TRPV3: variants seen among roughly 807,000 people sequenced by gnomAD.
The protein encoded by TRPV3 is VRL-3.
In TRPV3, 88 loss-of-function variants were observed where a neutral mutation model predicts 87.1. The ratio of observed to expected loss-of-function variants is 1.01; its 90% CI spans 0.85 to 1.21. The LOEUF is 1.21. Ranked by LOEUF, TRPV3 falls within the 50% of genes most tolerant of loss-of-function variation. The pLI is 0.00. For synonymous variants in TRPV3, 438 were observed against 423.3 expected (o/e 1.03, Z -0.43); for missense variants, 1,054 against 1,030.1 (o/e 1.02, Z -0.32).
At position 3,534,152 on chromosome 17, in the gene TRPV3, A is replaced by G. The variant is rs796598327; in HGVS notation, c.785-1215T>C. 5.9e-5 allele frequency among the ~76,000 whole-genome samples: 9 copies of G among 152,158 alleles called. No individual in the cohort carries two copies. The South Asian group carries it at 1.9e-3, about 32-fold the overall frequency. ...GTCCAACCAGCTCCTATGCAGGGCA[A>G]TGGGGACACACGATGAACTGGACAA... On this transcript the variant is annotated intron_variant, in intron 7 of 17. Transcript: ENST00000576742.
At chr17:3,517,214 G>C (rs1050955730) in intron 15 of TRPV3, among the ~76,000 whole-genome samples, 5 of 152,102 alleles carry the variant, frequency 3.3e-5, no homozygotes, top group Admixed American at 3.3e-4. Flanking sequence ...TCCCATAGCA[G>C]AGGACCGTTC....
intron 8 of TRPV3, among the ~76,000 whole-genome samples, chr17:3,531,886 GACC>G (rs1435825719): frequency 6.6e-6 from 1 of 152,192 alleles, no homozygotes; most frequent in East Asian, 1.9e-4. Flanking sequence ...CGGGGCAGCT[GACC>G]AGGGAGGCGG....
intron 6 of TRPV3, among the ~76,000 whole-genome samples, chr17:3,536,272 T>G (rs1298331879): frequency 6.6e-6 from 1 of 152,146 alleles, no homozygotes; most frequent in Non-Finnish European, 1.5e-5. Context: ...CCTCTCTGGC[T>G]GCAAAAGTGG....
In TRPV3 at chr17:3,532,706, T is replaced by A; in HGVS notation, c.1016A>T (p.Asn339Ile). Residue 339 changes from asparagine (N) to isoleucine (I), a missense_variant, in exon 8 of 18, where the codon AAC (asparagine) becomes ATC (isoleucine). Physicochemically the swap from Asn to Ile is moderately radical, Grantham distance 149. Coordinates refer to ENST00000576742, the MANE Select transcript of TRPV3 (RefSeq NM_145068.4). ...CAGCTGCAGCGGCGTGAGGCCATCG[T>A]TGTTGCGAGTGGTCTCCAGCTCCCA... ...GNWELETTRN[N>I]DGLTPLQLAA... 1.2e-6 allele frequency: 2 copies of A among 1,614,204 alleles called. No homozygotes were observed. The highest frequency in any genetic ancestry group is 1.7e-6 in the Non-Finnish European group (2 of 1,180,026).
chr17:3,514,302 C>G (rs1426049562), intron 17 of TRPV3: 3 of 498,856 alleles, frequency 6.0e-6, no homozygotes, highest in Non-Finnish European at 1.1e-5. Context: ...TGGTCTCAAA[C>G]TCCTGACCTC....
chr17:3,529,184 G>A (rs934782879), intron 9 of TRPV3, among the ~76,000 whole-genome samples, 189 bp from the exon 10 acceptor site: 2 of 152,136 alleles, frequency 1.3e-5, no homozygotes, highest in Non-Finnish European at 2.9e-5. Context: ...GGGTACTAGG[G>A]CAGCAGTCAG....
At chr17:3,514,426 T>A in intron 17 of TRPV3, 167 bp downstream of exon 17, 1 of 612,378 alleles carries the variant, frequency 1.6e-6, no homozygotes, top group South Asian at 2.0e-5. Context: ...TTAAAAGTTG[T>A]GCCAACTAGG....
rs2074503622 is a variant in TRPV3, at chr17:3,544,524, C to G, written c.311+55G>C. On this transcript the variant is annotated intron_variant, in intron 4 of 17. Transcript: ENST00000576742. ...CTGCAGGGCCCCGGATCCTGTCTCT[C>G]TGGCACCCCCAGCCTGGGTGGGCAC... The G allele has an allele frequency of 7.0e-5, 83 of 1,181,680 alleles. 1 individual carries two copies. The South Asian group carries it at 1.1e-3, about 15-fold the overall frequency. 73.2% of individuals were successfully genotyped at this position (1,181,680 alleles called of 1,614,324 possible).
Position 3,554,582 on chromosome 17 carries a change from C to T in TRPV3, c.119+150G>A, listed in dbSNP as rs553774330. 13 of 628,100 alleles carry T rather than the reference C, an allele frequency of 2.1e-5. No homozygotes were observed. In the South Asian group the frequency reaches 2.5e-4, roughly 12 times the overall value. The allele number at this position is 628,100 out of a possible 1,614,324, so 38.9% of individuals were successfully genotyped here. On this transcript the variant is annotated intron_variant, in intron 2 of 17. Coordinates refer to ENST00000576742, the MANE Select transcript of TRPV3 (RefSeq NM_145068.4). ...TGCTGTGCTCCCCACCGCACCATCC[C>T]CTAGTCATACCTCGCCGGGCACCGG...
intron 16 of TRPV3, 29 bp from the exon 17 acceptor site, chr17:3,514,701 TTCACCAGTGCCTCACTG>T (rs779951004): frequency 3.2e-6 from 5 of 1,557,518 alleles, no homozygotes; most frequent in Non-Finnish European, 4.4e-6. Context: ...TTCTTACTAT[TTCACCAGTGCCTCACTG>T]AGTACTAACA....
intron 8 of TRPV3, among the ~76,000 whole-genome samples, chr17:3,531,190 G>A (rs1178390844): frequency 1.3e-5 from 2 of 152,202 alleles, no homozygotes; most frequent in African/African-American, 2.4e-5. Flanking sequence ...CAAAGTGCAG[G>A]CTGGACACAG....
chr17:3,528,218 T>A lies in TRPV3; in HGVS notation c.1402-92A>T. ...AGGGACCAAAACCCAGGTGAAACAC[T>A]CAAGCCGGGCCAGAGACCAGCATGA... On this transcript the variant is annotated intron_variant, in intron 10 of 17. Coordinates refer to ENST00000576742, the MANE Select transcript of TRPV3 (RefSeq NM_145068.4). This position sits in a 1 kb window ranked among gnomAD's most constrained non-coding sequence, Gnocchi z 4.2. The A allele has an allele frequency of 2.2e-6, 2 of 918,590 alleles. No homozygotes were observed. Among genetic ancestry groups the A allele is most frequent in the Non-Finnish European group, 3.3e-6 (2 of 611,166 alleles). 56.9% of individuals were successfully genotyped at this position (918,590 alleles called of 1,614,324 possible).
chr17:3,540,631 A>G (rs189514633), intron 6 of TRPV3, among the ~76,000 whole-genome samples: 91 of 152,364 alleles, frequency 6.0e-4, no homozygotes, highest in Non-Finnish European at 1.0e-3. Context: ...AACAGACTTC[A>G]TCCCTGCCCT....
chr17:3,545,866 T>C (rs1343141857), intron 2 of TRPV3, among the ~76,000 whole-genome samples: 1 of 149,036 alleles, frequency 6.7e-6, no homozygotes, highest in African/African-American at 2.5e-5. Flanking sequence ...GGCAGGCACC[T>C]GTAACCCCAG....
At chr17:3,545,989 C>CAAA (rs376341464) in intron 2 of TRPV3, among the ~76,000 whole-genome samples, 1 of 113,910 alleles carries the variant, frequency 8.8e-6, no homozygotes, top group Non-Finnish European at 1.8e-5. Context: ...GACTCCGTCT[C>CAAA]AAAAAAAAAA....
In TRPV3 at chr17:3,557,705, C is replaced by A. The variant is rs530321172; in HGVS notation, c.-32G>T. 44 of 152,298 alleles carry A rather than the reference C, an allele frequency of 2.9e-4. No individual in the cohort carries two copies. The highest frequency in any genetic ancestry group is 7.0e-4 in the African/African-American group (29 of 41,532). The allele number at this position is 152,298 out of a possible 1,614,324, so 9.4% of individuals were successfully genotyped here. ...TGAGGTTCTGGGTGGTCGTGGCAAC[C>A]CTTGCCCTGAGATCACCGCATGTCT... is the stretch of plus-strand genomic sequence containing the variant. On this transcript the variant is annotated 5_prime_UTR_variant, in exon 1 of 18. Coordinates refer to ENST00000576742, the MANE Select transcript of TRPV3 (RefSeq NM_145068.4). The surrounding 1 kb of genome is among the most constrained non-coding windows in gnomAD (Gnocchi z 4.5).
chr17:3,544,511 G>T, intron 4 of TRPV3, 68 bp downstream of exon 4: 1 of 1,011,528 alleles, frequency 9.9e-7, no homozygotes. Flanking sequence ...GCAGGGCCCC[G>T]GATCCTGTCT....
Position 3,513,933 on chromosome 17 carries a change from G to A in TRPV3, c.2357C>T (p.Pro786Leu), listed in dbSNP as rs766763281. The A allele has an allele frequency of 1.9e-6, 3 of 1,614,040 alleles. No individual in the cohort carries two copies. Among genetic ancestry groups the A allele is most frequent in the South Asian group, 1.1e-5 (1 of 91,058 alleles). Reference sequence around the variant, plus strand: ...GTTCCGCTTCTACACCGAGGTTTCCGGGAATTCCTCGACTTCTTCAAATGC... The same window carrying A: ...GTTCCGCTTCTACACCGAGGTTTCCAGGAATTCCTCGACTTCTTCAAATGC... ...LNAFEEVEEF[P>L]ETSV Residue 786 changes from proline to leucine, a missense_variant, in exon 18 of 18, where the codon CCG (proline) becomes CTG (leucine). Pro to Leu is a moderately conservative substitution (Grantham distance 98, BLOSUM62 -3). Transcript: ENST00000576742.
chr17:3,515,019 C>T (rs1211689903), intron 16 of TRPV3, among the ~76,000 whole-genome samples: 8 of 152,040 alleles, frequency 5.3e-5, no homozygotes, highest in Non-Finnish European at 1.0e-4. Context: ...AGGGAGGGCC[C>T]GGGCCACGAG....
Sources: allele counts gnomAD v4.1 joint callset (sites outside exome capture counted in the v4.1 genomes callset), GRCh38; gene constraint gnomAD v4.1.1; non-coding constraint Gnocchi (gnomAD v3.1); transcripts MANE v1.5; gene names NCBI Gene and HGNC (gene_info 2026-07-23, HGNC 2026-07-21).